AQR: variants seen among roughly 807,000 people sequenced by gnomAD.
AQR encodes the protein RNA helicase aquarius.
A neutral mutation model predicts 180.5 loss-of-function variants in AQR; 61 were observed. The observed-to-expected ratio is 0.34, with a 90% CI of 0.28 to 0.42. The LOEUF is 0.42. Ranked by LOEUF, AQR falls within the 10% of genes least tolerant of loss-of-function variation. The probability of loss-of-function intolerance (pLI) is 1.00; values close to 1 mark genes in which losing one functional copy is unlikely to be tolerated. For synonymous variants in AQR, 551 were observed against 588.8 expected, an observed-to-expected ratio of 0.94 and a Z score of 0.93; for missense variants, 1,281 against 1,798.3, an observed-to-expected ratio of 0.71 and a Z score of 5.20.
At chr15:34,892,701 A>G (rs1022759907) in intron 23 of AQR, among the ~76,000 whole-genome samples, 1 of 152,186 alleles carries the variant, frequency 6.6e-6, no homozygotes, top group Admixed American at 6.5e-5. Flanking sequence ...CCTACTGAAC[A>G]CCATAGCTTA....
At chr15:34,927,256 C>T (rs1893778973) in intron 12 of AQR, 118 bp from the exon 13 acceptor site, 1 of 513,612 alleles carries the variant, frequency 1.9e-6, no homozygotes, top group South Asian at 5.9e-5. Context: ...CTCTTATATG[C>T]TTCTTTTATG....
chr15:34,932,297 T>C (rs781287452), intron 11 of AQR, 21 bp downstream of exon 11: 15 of 1,562,694 alleles, frequency 9.6e-6, no homozygotes, highest in Non-Finnish European at 1.2e-5. Flanking sequence ...AATAAATACG[T>C]TCAGATACAT....
At chr15:34,918,102 T>G (rs746408248) in intron 15 of AQR, among the ~76,000 whole-genome samples, 156 bp downstream of exon 15, 1 of 152,228 alleles carries the variant, frequency 6.6e-6, no homozygotes, top group African/African-American at 2.4e-5. Context: ...TTCAAAATAC[T>G]AAATCTTTTC....
chr15:34,872,191 C>T (rs1228862316), intron 30 of AQR, among the ~76,000 whole-genome samples: 1 of 152,128 alleles, frequency 6.6e-6, no homozygotes, highest in Non-Finnish European at 1.5e-5. Context: ...CATTTTAGAA[C>T]TCGCTCCAAA....
intron 19 of AQR, among the ~76,000 whole-genome samples, chr15:34,902,589 A>G (rs1231848306): frequency 6.6e-6 from 1 of 152,106 alleles, no homozygotes; most frequent in African/African-American, 2.4e-5. Flanking sequence ...TAGCTTCTCT[A>G]AAGGTGTAAG....
intron 24 of AQR, among the ~76,000 whole-genome samples, chr15:34,889,679 CT>C (rs1004253946): frequency 6.0e-5 from 9 of 149,058 alleles, no homozygotes; most frequent in African/African-American, 9.8e-5. Flanking sequence ...AATTTGCATT[CT>C]TTTTTTTTTG....
In AQR at chr15:34,939,057, C is replaced by T. The variant is rs774870091; in HGVS notation, c.642-244G>A. 2.6e-5 allele frequency among the ~76,000 whole-genome samples: 4 copies of T among 151,910 alleles called. No individual in the cohort carries two copies. In the East Asian group the frequency reaches 7.7e-4, roughly 29 times the overall value. On this transcript the variant is annotated intron_variant, in intron 8 of 34. Transcript: ENST00000156471. ...AAGCACCTCCTTCTCTCACCGTGAA[C>T]GTTTTCTTTTTTCTGCTTTTTTTGT...
intron 3 of AQR, among the ~76,000 whole-genome samples, chr15:34,960,048 CCTA>C (rs2050265575): frequency 6.6e-6 from 1 of 152,216 alleles, no homozygotes; most frequent in Admixed American, 6.5e-5. Context: ...CTTCTTACTT[CCTA>C]CTGTTTTCCA....
intron 27 of AQR, among the ~76,000 whole-genome samples, chr15:34,881,998 G>T (rs1363104185): frequency 6.6e-6 from 1 of 152,096 alleles, no homozygotes; most frequent in Non-Finnish European, 1.5e-5. Flanking sequence ...TAGAGACGGG[G>T]TTTCACCATG....
intron 1 of AQR, among the ~76,000 whole-genome samples, chr15:34,968,041 G>A (rs572264659): frequency 4.6e-5 from 7 of 152,190 alleles, no homozygotes; most frequent in African/African-American, 1.7e-4. Context: ...TCGAACTCCC[G>A]ACCTCAGGTG....
chr15:34,961,541 C>T (rs1235334513), intron 2 of AQR, among the ~76,000 whole-genome samples: 3 of 135,360 alleles, frequency 2.2e-5, no homozygotes, highest in Non-Finnish European at 3.1e-5. Context: ...ACCCGGGAGG[C>T]GGAGGTTGCA....
intron 17 of AQR, 58 bp from the exon 18 acceptor site, chr15:34,906,770 T>C (rs1314473080): frequency 1.3e-6 from 2 of 1,544,030 alleles, no homozygotes; most frequent in Non-Finnish European, 1.8e-6. Context: ...CAGTCTTTTG[T>C]AGGCAAATTC....
In AQR at chr15:34,855,004, T is replaced by G. The variant is rs1429757247; in HGVS notation, c.*1788A>C. 2 of 152,220 alleles carry G rather than the reference T, an allele frequency of 1.3e-5. No homozygotes were observed. The highest frequency in any genetic ancestry group is 6.5e-5 in the Admixed American group (1 of 15,284). 9.4% of individuals were successfully genotyped at this position (152,220 alleles called of 1,614,324 possible). ...ATACAGATGCCCACAGCACCTGCTT[T>G]CAAAATCTTTTATCGGAGAAATTAC... On this transcript the variant is annotated 3_prime_UTR_variant, in exon 35 of 35. Coordinates refer to ENST00000156471, the MANE Select transcript of AQR (RefSeq NM_014691.3).
chr15:34,864,839 T>C (rs1233061584), intron 32 of AQR, among the ~76,000 whole-genome samples: 1 of 152,162 alleles, frequency 6.6e-6, no homozygotes, highest in Non-Finnish European at 1.5e-5. Context: ...AGATTTGAAC[T>C]ACAAATTTTC....
At chr15:34,894,633 C>T (rs1455157289) in intron 22 of AQR, among the ~76,000 whole-genome samples, 1 of 151,730 alleles carries the variant, frequency 6.6e-6, no homozygotes, top group Non-Finnish European at 1.5e-5. Flanking sequence ...AATATGTGTA[C>T]AGTTGAAAGC....
chr15:34,927,154 A>G lies in AQR; in HGVS notation c.1015-16T>C. 1.3e-5 allele frequency: 18 copies of G among 1,419,544 alleles called. No individual in the cohort carries two copies. Among genetic ancestry groups the G allele is most frequent in the Non-Finnish European group, 1.6e-5 (17 of 1,034,258 alleles). 87.9% of individuals were successfully genotyped at this position (1,419,544 alleles called of 1,614,324 possible). On this transcript the variant is annotated splice_polypyrimidine_tract_variant and intron_variant, in intron 12 of 34. Transcript: ENST00000156471. Reference sequence around the variant, plus strand: ...AAGCAGCTCTCTAGAAAATAATGGCAAAAAATATTAATAATTAATGTCTAC... The same window carrying G: ...AAGCAGCTCTCTAGAAAATAATGGCGAAAAATATTAATAATTAATGTCTAC...
chr15:34,856,879 G>A lies in AQR; in HGVS notation c.4371C>T (p.Thr1457=). 1 of 1,613,724 alleles carries A rather than the reference G, an allele frequency of 6.2e-7. No individual in the cohort carries two copies. Among genetic ancestry groups the A allele is most frequent in the Non-Finnish European group, 8.5e-7 (1 of 1,179,836 alleles). ...TPEAIPALSE[T]TPTVVGAVSA... is the part of the protein sequence containing the mutation. ...ATACAGCTCCTACCACAGTAGGGGT[G>A]GTCTCAGATAAAGCAGGGATGGCTT... Residue 1457 remains threonine (T), a synonymous_variant, in exon 35 of 35, where the codon ACC becomes ACT. Transcript: ENST00000156471.
intron 29 of AQR, 175 bp from the exon 30 acceptor site, chr15:34,874,174 C>T (rs1188800669): frequency 1.2e-5 from 7 of 563,884 alleles, no homozygotes; most frequent in Non-Finnish European, 1.7e-5. Flanking sequence ...CTTCAAGTAA[C>T]CAAGGGTCAG....
At position 34,932,301 on chromosome 15, in the gene AQR, G is replaced by A; in HGVS notation, c.900+17C>T. ...GAAAGTAAAACAATAAATACGTTCA[G>A]ATACATCAATATTCACCTGGGAAAA... On this transcript the variant is annotated intron_variant, in intron 11 of 34. Coordinates refer to ENST00000156471, the MANE Select transcript of AQR (RefSeq NM_014691.3). 1 of 1,566,290 alleles carries A rather than the reference G, an allele frequency of 6.4e-7. No individual in the cohort carries two copies. Among genetic ancestry groups the A allele is most frequent in the East Asian group, 2.2e-5 (1 of 44,610 alleles).
Sources: allele counts gnomAD v4.1 joint callset (sites outside exome capture counted in the v4.1 genomes callset), GRCh38; gene constraint gnomAD v4.1.1; transcripts MANE v1.5; gene names NCBI Gene and HGNC (gene_info 2026-07-23, HGNC 2026-07-21).